AVL9: variants seen among roughly 807,000 people sequenced by gnomAD.
The protein encoded by AVL9 is AVL9 cell migration associated.
In AVL9, 49 loss-of-function variants were observed where a neutral mutation model predicts 79.2. The ratio of observed to expected loss-of-function variants is 0.62; its 90% CI spans 0.49 to 0.79. AVL9 has a LOEUF of 0.79. Among genes scored for constraint, AVL9 ranks in the 30% least tolerant of loss-of-function variants. The pLI is 0.00. For synonymous variants in AVL9, 299 were observed against 280.6 expected, an observed-to-expected ratio of 1.07 and a Z score of -0.65; for missense variants, 682 against 776.8, an observed-to-expected ratio of 0.88 and a Z score of 1.45.
intron 1 of AVL9, chr7:32,538,785 G>A (rs1439467029): frequency 6.6e-6 from 1 of 152,148 alleles, no homozygotes; most frequent in African/African-American, 2.4e-5. Flanking sequence ...TTTTGTCCAA[G>A]ACCCCAAGAG....
intron 11 of AVL9, among the ~76,000 whole-genome samples, chr7:32,572,836 G>C (rs1422865475): frequency 3.5e-5 from 5 of 144,310 alleles, no homozygotes; most frequent in Non-Finnish European, 7.5e-5. Flanking sequence ...TAAAGTATCT[G>C]CACGCAAAAG....
intron 1 of AVL9, among the ~76,000 whole-genome samples, chr7:32,500,859 A>G (rs991673036): frequency 1.3e-5 from 2 of 152,218 alleles, no homozygotes; most frequent in Admixed American, 6.5e-5. Context: ...GTTATTAAAT[A>G]GGGAATCTTT....
At chr7:32,497,489 C>G (rs1786900287) in intron 1 of AVL9, among the ~76,000 whole-genome samples, 1 of 152,168 alleles carries the variant, frequency 6.6e-6, no homozygotes, top group South Asian at 2.1e-4. Flanking sequence ...GATTAATCAG[C>G]TACCTAATTC....
At chr7:32,497,777 G>A (rs1036340110) in intron 1 of AVL9, among the ~76,000 whole-genome samples, 6 of 150,534 alleles carry the variant, frequency 4.0e-5, no homozygotes, top group East Asian at 4.0e-4. Flanking sequence ...TCAGCCTCCC[G>A]AGTAGCTGGG....
At chr7:32,496,565 C>T (rs1457949675) in intron 1 of AVL9, among the ~76,000 whole-genome samples, 2 of 152,074 alleles carry the variant, frequency 1.3e-5, no homozygotes, top group Non-Finnish European at 2.9e-5. Flanking sequence ...GGCAAGAGAA[C>T]AAAATAGAAA....
chr7:32,540,091 G>C lies in AVL9; in HGVS notation c.94-3050G>C, dbSNP rs528600237. ...AGGCCATTATTTCGCCTACCACATA[G>C]GATATTGTGGCCGTCTTGCTTTATC... is the stretch of plus-strand genomic sequence containing the variant. On this transcript the variant is annotated intron_variant, in intron 1 of 15. Transcript: ENST00000318709. Among the ~76,000 whole-genome samples the C allele has an allele frequency of 4.6e-5, 7 of 152,302 alleles. 1 individual carries two copies. The South Asian group carries it at 1.2e-3, about 27-fold the overall frequency.
intron 4 of AVL9, among the ~76,000 whole-genome samples, chr7:32,549,919 A>AT (rs1434893344): frequency 4.2e-5 from 1 of 23,544 alleles, no homozygotes. Flanking sequence ...ACTCCGTCTC[A>AT]AAAAAAAAAA....
chr7:32,518,406 AAAGTT>A (rs1239696152), intron 1 of AVL9, among the ~76,000 whole-genome samples: 1 of 152,238 alleles, frequency 6.6e-6, no homozygotes, highest in African/African-American at 2.4e-5. Context: ...TTTAGAATGT[AAAGTT>A]AAATACATAT....
intron 1 of AVL9, among the ~76,000 whole-genome samples, chr7:32,509,323 A>T (rs1293442213): frequency 1.3e-5 from 2 of 152,108 alleles, no homozygotes; most frequent in Non-Finnish European, 2.9e-5. Flanking sequence ...ACACAATAAA[A>T]AACAAAACTC....
intron 1 of AVL9, chr7:32,535,332 C>T (rs974233243): frequency 3.3e-5 from 5 of 152,124 alleles, no homozygotes; most frequent in African/African-American, 7.2e-5. Flanking sequence ...TGCTAAAGTT[C>T]GACGTCACCA....
Position 32,517,986 on chromosome 7 carries a change from A to G in AVL9, c.93+22184A>G, listed in dbSNP as rs912414016. On this transcript the variant is annotated intron_variant, in intron 1 of 15. Transcript: ENST00000318709. ...GCTGGGACTACAGGCATGTGCCACCATGCCTGGCTAATTTTTTTATTTTTA... is the reference window on the plus strand; with the variant it reads ...GCTGGGACTACAGGCATGTGCCACCGTGCCTGGCTAATTTTTTTATTTTTA... Among the ~76,000 whole-genome samples, 24 of 151,858 alleles carry G rather than the reference A, an allele frequency of 1.6e-4. 1 individual carries two copies. The highest frequency in any genetic ancestry group is 5.8e-4 in the African/African-American group (24 of 41,324).
chr7:32,535,057 C>T (rs955114461), intron 1 of AVL9: 5 of 152,150 alleles, frequency 3.3e-5, no homozygotes, highest in African/African-American at 7.2e-5. Context: ...ATTTCTCTTA[C>T]AAAAATACAA....
At chr7:32,557,272 T>G (rs914391408) in intron 8 of AVL9, among the ~76,000 whole-genome samples, 2 of 152,038 alleles carry the variant, frequency 1.3e-5, no homozygotes, top group Non-Finnish European at 2.9e-5. Flanking sequence ...AGGCTGGTCT[T>G]GAACTCCTGG....
At position 32,502,824 on chromosome 7, in the gene AVL9, C is replaced by T. The variant is rs890027692; in HGVS notation, c.93+7022C>T. On this transcript the variant is annotated intron_variant, in intron 1 of 15. Transcript: ENST00000318709. Reference sequence around the variant, plus strand: ...TTAACATAGAGTGATTTGCACGTGGCTCTGACTTTGTTGGGCCCTAGCCGG... The same window carrying T: ...TTAACATAGAGTGATTTGCACGTGGTTCTGACTTTGTTGGGCCCTAGCCGG... Among the ~76,000 whole-genome samples, 5 of 152,230 alleles carry T rather than the reference C, an allele frequency of 3.3e-5. No homozygotes were observed. The South Asian group carries it at 8.3e-4, about 25-fold the overall frequency.
At chr7:32,503,551 G>A (rs1161830317) in intron 1 of AVL9, among the ~76,000 whole-genome samples, 11 of 92,088 alleles carry the variant, frequency 1.2e-4, no homozygotes, top group Non-Finnish European at 2.1e-4. Context: ...GCAAGACTCC[G>A]TCTCAAGGGA....
At chr7:32,574,575 C>G (rs962614615) in intron 12 of AVL9, among the ~76,000 whole-genome samples, 1 of 152,012 alleles carries the variant, frequency 6.6e-6, no homozygotes, top group Admixed American at 6.6e-5. Flanking sequence ...AATAGTAGCT[C>G]ACTTTTTTTT....
At chr7:32,523,778 G>C (rs1224599018) in intron 1 of AVL9, among the ~76,000 whole-genome samples, 2 of 141,384 alleles carry the variant, frequency 1.4e-5, no homozygotes, top group East Asian at 4.2e-4. Context: ...CTGTCACTCA[G>C]GCTGGAGTGC....
intron 13 of AVL9, among the ~76,000 whole-genome samples, chr7:32,578,660 G>A (rs1791206618): frequency 6.6e-6 from 1 of 151,854 alleles, no homozygotes; most frequent in African/African-American, 2.4e-5. Flanking sequence ...ATACAAAAAA[G>A]TAGCCGGGTG....
chr7:32,502,573 T>C (rs1339836818), intron 1 of AVL9, among the ~76,000 whole-genome samples: 1 of 152,214 alleles, frequency 6.6e-6, no homozygotes, highest in African/African-American at 2.4e-5. Context: ...CCTTTTTAGA[T>C]ACTTAGGTGG....
Sources: allele counts gnomAD v4.1 joint callset (sites outside exome capture counted in the v4.1 genomes callset), GRCh38; gene constraint gnomAD v4.1.1; transcripts MANE v1.5; gene names NCBI Gene and HGNC (gene_info 2026-07-23, HGNC 2026-07-21).